DYNC1I1: variants seen among roughly 807,000 people sequenced by gnomAD.
The protein encoded by DYNC1I1 is dynein cytoplasmic 1 intermediate chain 1, also known as cytoplasmic dynein 1 intermediate chain 1.
DYNC1I1 carries 43 observed loss-of-function variants against 86.6 expected under a neutral mutation model. The observed-to-expected ratio is 0.50, with a 90% CI of 0.39 to 0.64. The LOEUF (loss-of-function observed/expected upper bound fraction) is 0.64. Ranked by LOEUF, DYNC1I1 falls within the 30% of genes least tolerant of loss-of-function variation. The pLI is 0.00. For missense variants in DYNC1I1, 604 were observed against 788.8 expected (o/e 0.77, Z 2.81); for synonymous variants, 262 against 283.7 (o/e 0.92, Z 0.77).
In DYNC1I1 at chr7:95,873,684, TG is replaced by T. The variant is rs1472152961; in HGVS notation, c.490+3687del. Among the ~76,000 whole-genome samples the T allele has an allele frequency of 2.0e-5, 3 of 152,284 alleles. No individual in the cohort carries two copies. In the East Asian group the frequency reaches 5.8e-4, roughly 29 times the overall value. ...TGATGCTCCATGTTGAAGGTGAGATTGACAAGGGCTACAGATAGAGAACTGG... is the reference window on the plus strand; with the variant it reads ...TGATGCTCCATGTTGAAGGTGAGATTACAAGGGCTACAGATAGAGAACTGG... On this transcript the variant is annotated intron_variant, in intron 6 of 16. Coordinates refer to ENST00000447467, the MANE Select transcript of DYNC1I1 (RefSeq NM_001135556.2).
intron 1 of DYNC1I1, among the ~76,000 whole-genome samples, chr7:95,783,615 A>G (rs1191045944): frequency 6.6e-6 from 1 of 152,252 alleles, no homozygotes; most frequent in African/African-American, 2.4e-5. Context: ...AATTAAGTGA[A>G]TAATCACTTC....
rs373159510 is a variant in DYNC1I1 at position 95,936,953 on chromosome 7, G to GTC, written c.491-40556_491-40555dup. On this transcript the variant is annotated intron_variant, in intron 6 of 16. Coordinates refer to ENST00000447467, the MANE Select transcript of DYNC1I1 (RefSeq NM_001135556.2). ...CCACAAAGGAATGGATAAAGAATAT[G>GTC]TCTCACACACACACACACACACACA... Among the ~76,000 whole-genome samples the GTC allele has an allele frequency of 1.6e-3, 188 of 118,412 alleles. 3 individuals carry two copies. In the South Asian group the frequency reaches 0.028, roughly 18 times the overall value. The allele number at this position is 118,412 out of a possible 152,430, so 77.7% of individuals were successfully genotyped here.
At chr7:95,839,441 A>G (rs1789216357) in intron 5 of DYNC1I1, among the ~76,000 whole-genome samples, 1 of 152,208 alleles carries the variant, frequency 6.6e-6, no homozygotes, top group South Asian at 2.1e-4. Flanking sequence ...CTTGCATACG[A>G]AAACTCTACA....
intron 16 of DYNC1I1, chr7:96,109,966 T>C (rs753887795): frequency 5.8e-5 from 18 of 309,718 alleles, no homozygotes; most frequent in Non-Finnish European, 9.6e-5. Flanking sequence ...TTTTTTTCTT[T>C]TTGTGGACAC....
intron 6 of DYNC1I1, among the ~76,000 whole-genome samples, chr7:95,920,039 A>G (rs934526874): frequency 1.3e-5 from 2 of 152,234 alleles, no homozygotes; most frequent in Non-Finnish European, 2.9e-5. Context: ...AGCTCCCCAC[A>G]CCTGAAGTGT....
At chr7:95,797,739 C>A (rs1794476587) in intron 1 of DYNC1I1, among the ~76,000 whole-genome samples, 1 of 152,162 alleles carries the variant, frequency 6.6e-6, no homozygotes, top group Admixed American at 6.5e-5. Context: ...TGAAGAATAT[C>A]CACAATTACC....
chr7:95,971,487 C>CA (rs1257694824), intron 6 of DYNC1I1, among the ~76,000 whole-genome samples: 1 of 151,800 alleles, frequency 6.6e-6, no homozygotes, highest in Non-Finnish European at 1.5e-5. Flanking sequence ...AGAACATATC[C>CA]AAAAAAACAA....
chr7:95,886,188 C>T (rs1790587586), intron 6 of DYNC1I1, among the ~76,000 whole-genome samples: 1 of 152,174 alleles, frequency 6.6e-6, no homozygotes, highest in African/African-American at 2.4e-5. Context: ...ATGATCCCAA[C>T]ACTTTGGGAG....
chr7:95,865,899 G>C (rs1455068216), intron 5 of DYNC1I1, among the ~76,000 whole-genome samples: 1 of 152,170 alleles, frequency 6.6e-6, no homozygotes, highest in East Asian at 1.9e-4. Context: ...CCATCATGAA[G>C]CCACACATGA....
At chr7:95,956,447 A>C (rs319341) in intron 6 of DYNC1I1, among the ~76,000 whole-genome samples, 48 of 150,626 alleles carry the variant, frequency 3.2e-4, no homozygotes, top group African/African-American at 1.1e-3. Flanking sequence ...AGTTTGTTAC[A>C]TAGGTATACA....
rs553973126 is a variant in DYNC1I1 at position 95,932,829 on chromosome 7, C to T, written c.491-44683C>T. On this transcript the variant is annotated intron_variant, in intron 6 of 16. Transcript: ENST00000447467. ...AGAAGGCATAAGACTTACAGTAGCA[C>T]ATCATTTTAAAGTTTTCTAGTTTGT... Among the ~76,000 whole-genome samples, 11 of 151,820 alleles carry T rather than the reference C, an allele frequency of 7.2e-5. 1 individual carries two copies. The highest frequency in any genetic ancestry group is 2.2e-4 in the African/African-American group (9 of 41,434).
chr7:96,067,129 A>G (rs1399018615), intron 14 of DYNC1I1, among the ~76,000 whole-genome samples: 1 of 152,196 alleles, frequency 6.6e-6, no homozygotes, highest in Non-Finnish European at 1.5e-5. Context: ...AAAACATGTC[A>G]TAAAAATAAA....
intron 10 of DYNC1I1, among the ~76,000 whole-genome samples, chr7:96,012,396 G>C (rs1250192732): frequency 6.6e-6 from 1 of 152,128 alleles, no homozygotes; most frequent in Non-Finnish European, 1.5e-5. Context: ...AATTGGGAAA[G>C]GAGTTTAGTA....
intron 10 of DYNC1I1, 121 bp downstream of exon 10, chr7:95,996,194 A>G: frequency 1.4e-6 from 2 of 1,457,612 alleles, no homozygotes; most frequent in Non-Finnish European, 1.8e-6. Flanking sequence ...ATTGTTGACA[A>G]TTTTGGAAAA....
At chr7:96,095,456 A>G (rs2116328331) in intron 16 of DYNC1I1, among the ~76,000 whole-genome samples, 1 of 152,234 alleles carries the variant, frequency 6.6e-6, no homozygotes, top group East Asian at 1.9e-4. Context: ...CTAATAATAT[A>G]GCTTTATGTT....
intron 10 of DYNC1I1, among the ~76,000 whole-genome samples, chr7:96,019,625 C>G (rs1475178040): frequency 6.6e-6 from 1 of 152,016 alleles, no homozygotes; most frequent in Non-Finnish European, 1.5e-5. Context: ...TAAGTAATAA[C>G]TAGATGTAAA....
chr7:95,919,556 A>G (rs908045050), intron 6 of DYNC1I1, among the ~76,000 whole-genome samples: 1 of 152,240 alleles, frequency 6.6e-6, no homozygotes, highest in Non-Finnish European at 1.5e-5. Flanking sequence ...AAAAGCTGCA[A>G]CAATTCATAG....
intron 6 of DYNC1I1, among the ~76,000 whole-genome samples, chr7:95,892,037 G>T (rs189758242): frequency 6.6e-6 from 1 of 151,646 alleles, no homozygotes; most frequent in African/African-American, 2.4e-5. Flanking sequence ...GCATCATTTC[G>T]GCTCATTGCA....
chr7:96,067,445 CTTT>C (rs555422571), intron 14 of DYNC1I1, among the ~76,000 whole-genome samples: 1 of 138,764 alleles, frequency 7.2e-6, no homozygotes. Flanking sequence ...TCTTTCTTTC[CTTT>C]TTTTTTTTTT....
Sources: allele counts gnomAD v4.1 joint callset (sites outside exome capture counted in the v4.1 genomes callset), GRCh38; gene constraint gnomAD v4.1.1; transcripts MANE v1.5; gene names NCBI Gene and HGNC (gene_info 2026-07-23, HGNC 2026-07-21).